Variants in PHF24 observed in about 807,000 individuals in gnomAD.
PHF24 encodes PHD finger protein 24, also known as Galpha inhibitory interacting protein.
Under a neutral mutation model 42.6 loss-of-function variants are expected in PHF24, and 25 were observed. The observed-to-expected ratio is 0.59, with a 90% CI of 0.43 to 0.82. PHF24 has a LOEUF of 0.82. PHF24 is among the 40% of genes least tolerant of loss of function. The probability of loss-of-function intolerance (pLI) is 0.00; values close to 1 mark genes in which losing one functional copy is unlikely to be tolerated. For missense variants in PHF24, 470 were observed against 538.1 expected, an observed-to-expected ratio of 0.87 and a Z score of 1.25; for synonymous variants, 185 against 204.8, an observed-to-expected ratio of 0.90 and a Z score of 0.83.
the PHF24 span, among the ~76,000 whole-genome samples, chr9:34,879,760 A>C: frequency 6.6e-6 from 1 of 152,248 alleles, no homozygotes; most frequent in Non-Finnish European, 1.5e-5. Context: ...AATGGAACCA[A>C]GTTGGAAAAC....
the PHF24 span, among the ~76,000 whole-genome samples, chr9:34,895,271 T>G: frequency 6.6e-6 from 1 of 152,148 alleles, no homozygotes; most frequent in Non-Finnish European, 1.5e-5. Flanking sequence ...TGACTCACTT[T>G]CACGCTCTTC....
chr9:34,934,532 C>T, the PHF24 span, among the ~76,000 whole-genome samples: 1 of 151,770 alleles, frequency 6.6e-6, no homozygotes, highest in Non-Finnish European at 1.5e-5. Context: ...ACCCCCAGCC[C>T]CCCCTTCCTA....
At chr9:34,690,950 G>T in the PHF24 span, 1 of 686,678 alleles carries the variant, frequency 1.5e-6, no homozygotes. Context: ...GGACCTGCCA[G>T]GCTCACCGAA....
chr9:34,967,359 G>GCAT (rs1455683540), intron 1 of PHF24, among the ~76,000 whole-genome samples: 1 of 152,196 alleles, frequency 6.6e-6, no homozygotes, highest in Non-Finnish European at 1.5e-5. Context: ...ATATCAGGGA[G>GCAT]CATCACATGT....
At chr9:34,722,800 C>T in the PHF24 span, among the ~76,000 whole-genome samples, 1 of 152,156 alleles carries the variant, frequency 6.6e-6, no homozygotes, top group Non-Finnish European at 1.5e-5. Flanking sequence ...TATGCATTAG[C>T]CACTCTCCTA....
the PHF24 span, among the ~76,000 whole-genome samples, chr9:34,876,206 T>A: frequency 6.6e-6 from 1 of 152,088 alleles, no homozygotes; most frequent in Non-Finnish European, 1.5e-5. Context: ...CACATGGATG[T>A]TTATCGCAGC....
At chr9:34,744,887 C>G in the PHF24 span, among the ~76,000 whole-genome samples, 6 of 152,012 alleles carry the variant, frequency 3.9e-5, no homozygotes, top group African/African-American at 1.2e-4. Context: ...AAAAAAAAAT[C>G]CAGGTCCATG....
chr9:34,832,829 G>A, the PHF24 span: 1 of 1,551,510 alleles, frequency 6.4e-7, no homozygotes, highest in East Asian at 2.4e-5. Context: ...CACAGTCTGG[G>A]TATTCTCAGG....
chr9:34,679,077 C>A, the PHF24 span, among the ~76,000 whole-genome samples: 1 of 152,246 alleles, frequency 6.6e-6, no homozygotes, highest in Non-Finnish European at 1.5e-5. Flanking sequence ...TCCAACCAAT[C>A]TGGATGTACC....
the PHF24 span, among the ~76,000 whole-genome samples, chr9:34,947,337 A>G: frequency 6.6e-6 from 1 of 152,230 alleles, no homozygotes; most frequent in Non-Finnish European, 1.5e-5. Context: ...TAGTGACACT[A>G]TAGCCACTGT....
chr9:34,866,679 C>CGG, the PHF24 span, among the ~76,000 whole-genome samples: 1 of 152,142 alleles, frequency 6.6e-6, no homozygotes, highest in Admixed American at 6.5e-5. Flanking sequence ...GATACTCCTG[C>CGG]TCATTGAGGA....
the PHF24 span, among the ~76,000 whole-genome samples, chr9:34,769,290 A>G: frequency 2.0e-5 from 3 of 151,998 alleles, no homozygotes; most frequent in African/African-American, 7.2e-5. Context: ...TAATTTTTGT[A>G]TTTTTACAAA....
At chr9:34,818,145 G>T in the PHF24 span, among the ~76,000 whole-genome samples, 3 of 152,162 alleles carry the variant, frequency 2.0e-5, no homozygotes, top group African/African-American at 7.2e-5. Flanking sequence ...GGCACTATTT[G>T]TTCCTTTGCA....
chr9:34,977,189 C>T, exon 6 of PHF24: 1 of 1,613,666 alleles, frequency 6.2e-7, no homozygotes, highest in Non-Finnish European at 8.5e-7. Flanking sequence ...TGCCGCCGGG[C>T]CCAGCACTCT....
the PHF24 span, among the ~76,000 whole-genome samples, chr9:34,936,166 C>T: frequency 6.6e-6 from 1 of 152,122 alleles, no homozygotes; most frequent in Admixed American, 6.5e-5. Flanking sequence ...TGCAACCTCC[C>T]TGCCTGATTC....
the PHF24 span, among the ~76,000 whole-genome samples, chr9:34,807,184 T>G: frequency 6.6e-6 from 1 of 152,228 alleles, no homozygotes; most frequent in African/African-American, 2.4e-5. Context: ...GAGTTTTTAA[T>G]AGGTGCCCTT....
chr9:34,928,665 G>A, the PHF24 span, among the ~76,000 whole-genome samples: 7 of 152,054 alleles, frequency 4.6e-5, no homozygotes, highest in African/African-American at 1.7e-4. Flanking sequence ...TTCTCCTATG[G>A]GAGCACAGTG....
chr9:34,884,280 G>A, the PHF24 span, among the ~76,000 whole-genome samples: 1 of 152,074 alleles, frequency 6.6e-6, no homozygotes, highest in South Asian at 2.1e-4. Context: ...TGTAAATGAC[G>A]AGTTAATGGG....
the PHF24 span, chr9:34,833,838 C>G: frequency 6.4e-7 from 1 of 1,551,482 alleles, no homozygotes; most frequent in Non-Finnish European, 8.7e-7. Flanking sequence ...AGAGGCTCTG[C>G]TGGGATTTCC....
Sources: gnomAD v4.1 joint callset for allele counts (sites outside exome capture counted in the v4.1 genomes callset) on GRCh38, gnomAD v4.1.1 for gene constraint, MANE v1.5 for transcripts, NCBI Gene and HGNC (gene_info 2026-07-23, HGNC 2026-07-21) for gene names.